Variants in NFIB observed in about 807,000 individuals in gnomAD.
NFIB encodes the protein nuclear factor 1 B-type.
A neutral mutation model predicts 61.5 loss-of-function variants in NFIB; 11 were observed. The ratio of observed to expected loss-of-function variants is 0.18; its 90% CI spans 0.11 to 0.30. The LOEUF is 0.30. Ranked by LOEUF, NFIB falls within the 10% of genes least tolerant of loss-of-function variation. NFIB has a pLI of 1.00. For synonymous variants in NFIB, 260 were observed against 216.5 expected (o/e 1.20, Z -1.76); for missense variants, 471 against 608.9 (o/e 0.77, Z 2.38).
chr9:14,434,454 A>G, the NFIB span, among the ~76,000 whole-genome samples: 2 of 152,192 alleles, frequency 1.3e-5, no homozygotes, highest in African/African-American at 2.4e-5. Context: ...TAGGCAGCAC[A>G]ACAATAAAAA....
rs139145784 is a variant in NFIB, at chr9:14,249,390, A to G, written c.562+57599T>C. ...AGAAATAGTATTACTCGGAAATCTC[A>G]CATATTTATAAGATCCCTTTGTTTT... On this transcript the variant is annotated intron_variant, in intron 2 of 10. Coordinates refer to ENST00000380953, the MANE Select transcript of NFIB (RefSeq NM_001190737.2). Among the ~76,000 whole-genome samples, 638 of 152,302 alleles carry G rather than the reference A, an allele frequency of 4.2e-3. 4 individuals carry two copies. The highest frequency in any genetic ancestry group is 0.014 in the African/African-American group (596 of 41,554).
intron 2 of NFIB, among the ~76,000 whole-genome samples, chr9:14,283,546 GA>G (rs2058516615): frequency 6.6e-6 from 1 of 152,184 alleles, no homozygotes; most frequent in Non-Finnish European, 1.5e-5. Context: ...TGTCCTTGAG[GA>G]CAATGGACTC....
At chr9:14,381,882 G>T (rs962435980) in intron 1 of NFIB, among the ~76,000 whole-genome samples, 6 of 152,240 alleles carry the variant, frequency 3.9e-5, no homozygotes. Context: ...AGGGTGAAAC[G>T]TTTTGAGTGC....
chr9:14,209,754 G>A (rs1351434181), intron 2 of NFIB, among the ~76,000 whole-genome samples: 1 of 152,200 alleles, frequency 6.6e-6, no homozygotes, highest in Non-Finnish European at 1.5e-5. Flanking sequence ...GAAAAGAGCA[G>A]AGGACTACAA....
chr9:14,194,745 T>C (rs1369655282), intron 2 of NFIB, among the ~76,000 whole-genome samples: 2 of 151,974 alleles, frequency 1.3e-5, no homozygotes, highest in African/African-American at 4.8e-5. Context: ...GAGAAATAGG[T>C]TGAAACAGGC....
At chr9:14,502,822 T>C in the NFIB span, among the ~76,000 whole-genome samples, 3 of 152,186 alleles carry the variant, frequency 2.0e-5, no homozygotes, top group East Asian at 5.8e-4. Context: ...GAGATTTTGG[T>C]ACACCCATCA....
chr9:14,372,765 G>A (rs1047876488), intron 1 of NFIB, among the ~76,000 whole-genome samples: 1 of 152,118 alleles, frequency 6.6e-6, no homozygotes, highest in African/African-American at 2.4e-5. Flanking sequence ...TGAGTTGGCT[G>A]GCTGTAGCTT....
At chr9:14,310,988 C>T (rs191196478) in intron 1 of NFIB, among the ~76,000 whole-genome samples, 8 of 151,890 alleles carry the variant, frequency 5.3e-5, no homozygotes, top group South Asian at 4.2e-4. Flanking sequence ...TTAAAAGCAA[C>T]GAAAGAAAAA....
the NFIB span, among the ~76,000 whole-genome samples, chr9:14,426,554 T>C: frequency 1.3e-5 from 2 of 152,224 alleles, no homozygotes; most frequent in Non-Finnish European, 2.9e-5. Flanking sequence ...ATCTTATGAA[T>C]CTTTAAAAGC....
At chr9:14,357,607 C>G (rs2061191384) in intron 1 of NFIB, 1 of 152,192 alleles carries the variant, frequency 6.6e-6, no homozygotes, top group Non-Finnish European at 1.5e-5. Context: ...TTTCCTTAAT[C>G]ATGTGGAAAA....
At chr9:14,322,873 T>A (rs2132826563) in intron 1 of NFIB, among the ~76,000 whole-genome samples, 1 of 151,806 alleles carries the variant, frequency 6.6e-6, no homozygotes, top group Admixed American at 6.5e-5. Flanking sequence ...TCTCGGGGGC[T>A]GCTGCCCAGG....
intron 6 of NFIB, among the ~76,000 whole-genome samples, chr9:14,137,069 A>G (rs1326758503): frequency 1.3e-5 from 2 of 152,218 alleles, no homozygotes; most frequent in African/African-American, 4.8e-5. Context: ...TTAGTAATGG[A>G]CCAATTACAT....
intron 10 of NFIB, among the ~76,000 whole-genome samples, chr9:14,104,482 A>G (rs1408229034): frequency 2.0e-5 from 3 of 152,112 alleles, no homozygotes; most frequent in Non-Finnish European, 4.4e-5. Flanking sequence ...CAATCAAAAA[A>G]CAGTTCAAGA....
At chr9:14,438,115 G>A in the NFIB span, among the ~76,000 whole-genome samples, 1 of 152,104 alleles carries the variant, frequency 6.6e-6, no homozygotes, top group African/African-American at 2.4e-5. Flanking sequence ...AGGGGGGACT[G>A]AGAAGCAGGG....
At chr9:14,294,335 G>A (rs958328251) in intron 2 of NFIB, among the ~76,000 whole-genome samples, 7 of 152,176 alleles carry the variant, frequency 4.6e-5, no homozygotes, top group African/African-American at 1.4e-4. Context: ...ATCTCTGAGA[G>A]GCTATGAAAG....
At chr9:14,315,483 A>G (rs1296415793), upstream of NFIB, among the ~76,000 whole-genome samples, 1 of 145,398 alleles carries the variant, frequency 6.9e-6, no homozygotes, top group Non-Finnish European at 1.5e-5. Context: ...GCCGGCGGAA[A>G]GCGTCTCCCT....
In NFIB at chr9:14,082,067, C is replaced by T. The variant is rs148562883; in HGVS notation, c.*6242G>A. On this transcript the variant is annotated 3_prime_UTR_variant, in exon 11 of 11. Transcript: ENST00000380953. ...TACCCAAAGAACGTTATCCTCCAAC[C>T]GGGCACAATAAAACCTTCACTAACA... The T allele has an allele frequency of 6.9e-4, 146 of 211,218 alleles. No homozygotes were observed. Among genetic ancestry groups the T allele is most frequent in the African/African-American group, 3.1e-3 (139 of 44,138 alleles). 13.1% of individuals were successfully genotyped at this position (211,218 alleles called of 1,614,324 possible).
chr9:14,403,520 C>T (rs1289449732), upstream of NFIB, among the ~76,000 whole-genome samples: 3 of 152,030 alleles, frequency 2.0e-5, no homozygotes, highest in African/African-American at 7.2e-5. Flanking sequence ...CCTCCCCTCC[C>T]CTCCCCTCCT....
intron 2 of NFIB, among the ~76,000 whole-genome samples, chr9:14,267,737 G>A (rs4741356): frequency 0.072 from 10,968 of 152,250 alleles, 600 homozygotes; most frequent in East Asian, 0.26. Flanking sequence ...TGTCTTGTAC[G>A]CTACTGTATC....
Sources: gnomAD v4.1 joint callset for allele counts (sites outside exome capture counted in the v4.1 genomes callset) on GRCh38, gnomAD v4.1.1 for gene constraint, MANE v1.5 for transcripts, NCBI Gene and HGNC (gene_info 2026-07-23, HGNC 2026-07-21) for gene names.